The following NKX2-2 variants were observed in gnomAD, a reference collection of about 807,000 sequenced individuals.
NKX2-2 encodes the protein homeobox protein Nkx-2.2.
Under a neutral mutation model 24.6 loss-of-function variants are expected in NKX2-2, and 8 were observed. That is an observed-to-expected ratio of 0.32 (90% CI 0.19 to 0.59). NKX2-2 has a LOEUF of 0.59. Ranked by LOEUF, NKX2-2 falls within the 20% of genes least tolerant of loss-of-function variation. NKX2-2 has a pLI of 0.86. For missense variants in NKX2-2, 381 were observed against 373.9 expected (o/e 1.02, Z -0.16); for synonymous variants, 217 against 173.3 (o/e 1.25, Z -1.98).
chr20:21,512,433 C>T lies in NKX2-2; in HGVS notation c.312G>A (p.Pro104=), dbSNP rs768131654. 3 of 1,590,896 alleles carry T rather than the reference C, an allele frequency of 1.9e-6. No homozygotes were observed. The highest frequency in any genetic ancestry group is 8.5e-7 in the Non-Finnish European group (1 of 1,175,068). ...CCGGTGACTCGTCGGCCGAGGGCTCCGGGGACTTGGAGCTTGAGTCCTGAG... is the reference window on the plus strand; with the variant it reads ...CCGGTGACTCGTCGGCCGAGGGCTCTGGGGACTTGGAGCTTGAGTCCTGAG... ...APPQDSSSKS[P]EPSADESPDN... The change falls in exon 2 of 2, where the codon CCG becomes CCA. Residue 104 remains proline (P), a synonymous_variant. Transcript: ENST00000377142.
upstream of NKX2-2, among the ~76,000 whole-genome samples, chr20:21,514,446 C>A (rs540155223): frequency 1.8e-3 from 270 of 147,904 alleles, no homozygotes; most frequent in Middle Eastern, 3.5e-3. Flanking sequence ...GCCACCGCGT[C>A]GCTCGCGAGT....
upstream of NKX2-2, among the ~76,000 whole-genome samples, chr20:21,514,376 A>G (rs548695065): frequency 1.6e-4 from 24 of 151,918 alleles, no homozygotes; most frequent in African/African-American, 5.8e-4. Flanking sequence ...TAACGTGTCA[A>G]TTAATTGCAA....
At chr20:21,512,906 G>GT (rs1166031809) in intron 1 of NKX2-2, among the ~76,000 whole-genome samples, 1 of 152,184 alleles carries the variant, frequency 6.6e-6, no homozygotes, top group Non-Finnish European at 1.5e-5. Flanking sequence ...GGGGGCTTTC[G>GT]TTTCTGCTTT....
chr20:21,518,439 G>A (rs991317362), upstream of NKX2-2, among the ~76,000 whole-genome samples: 1 of 152,224 alleles, frequency 6.6e-6, no homozygotes, highest in African/African-American at 2.4e-5. Flanking sequence ...AGCTAGAGGA[G>A]AGCCTCGCTC....
chr20:21,515,009 A>T (rs538724311), upstream of NKX2-2, among the ~76,000 whole-genome samples: 1 of 132,852 alleles, frequency 7.5e-6, no homozygotes, highest in African/African-American at 2.8e-5. Context: ...CTCTGCGGCC[A>T]AGGAGGACGC....
Position 21,513,032 on chromosome 20 carries a change from C to T in NKX2-2, c.259+379G>A, listed in dbSNP as rs1249575154. ...AGCCTCCCCACCCTCCACCCGTACC[C>T]GGACGAGGCTCGCTGGCTACCTCCA... On this transcript the variant is annotated intron_variant, in intron 1 of 1. Coordinates refer to ENST00000377142, the MANE Select transcript of NKX2-2 (RefSeq NM_002509.4). The surrounding 1 kb of genome is among the most constrained non-coding windows in gnomAD (Gnocchi z 4.6). 6.6e-6 allele frequency among the ~76,000 whole-genome samples: 1 copy of T among 152,182 alleles called. No individual in the cohort carries two copies. The highest frequency in any genetic ancestry group is 1.5e-5 in the Non-Finnish European group (1 of 68,032).
In NKX2-2 at chr20:21,512,421, G is replaced by A. The variant is rs1010064880; in HGVS notation, c.324C>T (p.Ala108=). ...DSSSKSPEPS[A]DESPDNDKET... ...CCTTGTCATTGTCCGGTGACTCGTCGGCCGAGGGCTCCGGGGACTTGGAGC... is the reference window on the plus strand; with the variant it reads ...CCTTGTCATTGTCCGGTGACTCGTCAGCCGAGGGCTCCGGGGACTTGGAGC... Residue 108 remains alanine (A), a synonymous_variant, in exon 2 of 2, where the codon GCC becomes GCT. Transcript: ENST00000377142. 4 of 1,594,154 alleles carry A rather than the reference G, an allele frequency of 2.5e-6. No individual in the cohort carries two copies. In the Admixed American group the frequency reaches 5.2e-5, roughly 21 times the overall value.
At chr20:21,515,830 C>T (rs960585993), upstream of NKX2-2, among the ~76,000 whole-genome samples, 1 of 152,144 alleles carries the variant, frequency 6.6e-6, no homozygotes, top group Admixed American at 6.5e-5. Context: ...CAGCTGCCCC[C>T]GGGTTGCCAG....
At position 21,513,037 on chromosome 20, in the gene NKX2-2, G is replaced by A. The variant is rs1307870092; in HGVS notation, c.259+374C>T. 1.3e-5 allele frequency among the ~76,000 whole-genome samples: 2 copies of A among 152,178 alleles called. No homozygotes were observed. Among genetic ancestry groups the A allele is most frequent in the Non-Finnish European group, 2.9e-5 (2 of 68,038 alleles). ...CCCCACCCTCCACCCGTACCCGGAC[G>A]AGGCTCGCTGGCTACCTCCAGGGCG... On this transcript the variant is annotated intron_variant, in intron 1 of 1. Transcript: ENST00000377142. The surrounding 1 kb of genome is among the most constrained non-coding windows in gnomAD (Gnocchi z 4.6).
rs73293193 is a variant in NKX2-2 at position 21,513,137 on chromosome 20, C to A, written c.259+274G>T. Among the ~76,000 whole-genome samples, 7,571 of 152,096 alleles carry A rather than the reference C, an allele frequency of 0.05. 453 individuals are homozygous for A. Among genetic ancestry groups the A allele is most frequent in the East Asian group, 0.15 (772 of 5,134 alleles). ...CATCGGTCCGGGTTGACATCATATA[C>A]CAGCCCCTGGGAGGTATAGCCCTTC... is the stretch of plus-strand genomic sequence containing the variant. On this transcript the variant is annotated intron_variant, in intron 1 of 1. Coordinates refer to ENST00000377142, the MANE Select transcript of NKX2-2 (RefSeq NM_002509.4). This position sits in a 1 kb window ranked among gnomAD's most constrained non-coding sequence, Gnocchi z 4.6.
the NKX2-2 span, among the ~76,000 whole-genome samples, chr20:21,522,141 T>C: frequency 1.6e-4 from 24 of 152,230 alleles, no homozygotes; most frequent in Non-Finnish European, 3.1e-4. Flanking sequence ...GCCCTGCCCG[T>C]CCTCGAGTGC....
chr20:21,521,859 C>A, the NKX2-2 span, among the ~76,000 whole-genome samples: 1 of 152,328 alleles, frequency 6.6e-6, no homozygotes, highest in Non-Finnish European at 1.5e-5. Context: ...CATTTCAAGG[C>A]GCGTCTTTAT....
upstream of NKX2-2, among the ~76,000 whole-genome samples, chr20:21,515,680 G>A (rs889355170): frequency 6.6e-5 from 10 of 152,026 alleles, no homozygotes; most frequent in Admixed American, 2.0e-4. Flanking sequence ...TTGTCTGGGG[G>A]CGGGGAGGGG....
chr20:21,515,242 C>T (rs1011128044), upstream of NKX2-2, among the ~76,000 whole-genome samples: 1 of 102,712 alleles, frequency 9.7e-6, no homozygotes, highest in African/African-American at 3.6e-5. Context: ...GGTGGAGCAG[C>T]GGGAAGGCGG....
At chr20:21,516,164 GT>G, upstream of NKX2-2, among the ~76,000 whole-genome samples, 1 of 152,230 alleles carries the variant, frequency 6.6e-6, no homozygotes, top group Non-Finnish European at 1.5e-5. Flanking sequence ...ATCTAAGGTT[GT>G]TCCTAGTTGT....
chr20:21,511,989 G>T lies in NKX2-2; in HGVS notation c.756C>A (p.Ser252Arg). 6.2e-7 allele frequency: 1 copy of T among 1,612,796 alleles called. No individual in the cohort carries two copies. Reference sequence around the variant, plus strand: ...TCGGGTACTGGGGGGTGCTGGCCGAGCTGTACTGGGCGTTGTACTGCATGT... The same window carrying T: ...TCGGGTACTGGGGGGTGCTGGCCGATCTGTACTGGGCGTTGTACTGCATGT... ...LQHMQYNAQYSSASTPQYPTA... is the reference protein window; with the variant it reads ...LQHMQYNAQYRSASTPQYPTA... Residue 252 changes from serine (S) to arginine (R), a missense_variant, in exon 2 of 2, where the codon AGC becomes AGA. By Grantham distance (110) the Ser-to-Arg change is moderately radical. Coordinates refer to ENST00000377142, the MANE Select transcript of NKX2-2 (RefSeq NM_002509.4).
At chr20:21,518,446 G>T (rs1196106410), upstream of NKX2-2, among the ~76,000 whole-genome samples, 2 of 152,186 alleles carry the variant, frequency 1.3e-5, no homozygotes, top group Admixed American at 6.5e-5. Context: ...GGAGAGCCTC[G>T]CTCTCTCTGC....
chr20:21,520,092 A>G, the NKX2-2 span, among the ~76,000 whole-genome samples: 1 of 152,088 alleles, frequency 6.6e-6, no homozygotes, highest in Admixed American at 6.5e-5. Flanking sequence ...CAGATGGACA[A>G]TCCTCCCAAG....
the NKX2-2 span, among the ~76,000 whole-genome samples, chr20:21,520,790 ACAATGAGATTACG>A: frequency 6.6e-6 from 1 of 152,220 alleles, no homozygotes; most frequent in African/African-American, 2.4e-5. Context: ...TAAATATGTT[ACAATGAGATTACG>A]CATCGTCAGT....
Sources: gnomAD v4.1 joint callset for allele counts (sites outside exome capture counted in the v4.1 genomes callset) on GRCh38, gnomAD v4.1.1 for gene constraint, Gnocchi (gnomAD v3.1) non-coding constraint, MANE v1.5 for transcripts, NCBI Gene and HGNC (gene_info 2026-07-23, HGNC 2026-07-21) for gene names.